IMMP2L: variants seen among roughly 807,000 people sequenced by gnomAD.
IMMP2L encodes inner mitochondrial membrane peptidase subunit 2, also known as mitochondrial inner membrane protease subunit 2.
A neutral mutation model predicts 19.3 loss-of-function variants in IMMP2L; 18 were observed. That is an observed-to-expected ratio of 0.93 (90% CI 0.64 to 1.38). IMMP2L has a LOEUF of 1.38. IMMP2L is among the 40% of genes most tolerant of loss of function. The pLI is 0.00. For synonymous variants in IMMP2L, 76 were observed against 73.0 expected, an observed-to-expected ratio of 1.04 and a Z score of -0.21; for missense variants, 233 against 218.2, an observed-to-expected ratio of 1.07 and a Z score of -0.43.
intron 3 of IMMP2L, among the ~76,000 whole-genome samples, chr7:111,368,419 A>G (rs1829984972): frequency 6.6e-6 from 1 of 151,998 alleles, no homozygotes; most frequent in African/African-American, 2.4e-5. Context: ...AGTCAGTCAG[A>G]CACATTCTCT....
At chr7:111,437,594 T>C (rs1214369576) in intron 3 of IMMP2L, among the ~76,000 whole-genome samples, 2 of 152,008 alleles carry the variant, frequency 1.3e-5, no homozygotes, top group East Asian at 1.9e-4. Flanking sequence ...AATTATACCA[T>C]TTATAAAAGA....
intron 3 of IMMP2L, among the ~76,000 whole-genome samples, chr7:111,270,151 T>C (rs1016315280): frequency 6.6e-6 from 1 of 151,754 alleles, no homozygotes; most frequent in African/African-American, 2.4e-5. Flanking sequence ...GCCTACAATG[T>C]AGCTGCCCTA....
At chr7:110,889,089 T>C (rs1403998154) in intron 4 of IMMP2L, among the ~76,000 whole-genome samples, 1 of 152,168 alleles carries the variant, frequency 6.6e-6, no homozygotes, top group Non-Finnish European at 1.5e-5. Context: ...TCTACCTCTA[T>C]TTGCCCATCT....
intron 5 of IMMP2L, chr7:110,724,082 C>T (rs1256806624): frequency 6.6e-6 from 1 of 152,122 alleles, no homozygotes; most frequent in Non-Finnish European, 1.5e-5. Flanking sequence ...ATTCTGCTTA[C>T]CAACAACCTC....
rs1406968442 is a variant in IMMP2L, at chr7:111,101,531, GT to G, written c.240-137967del. ...CTTTTGTCCACTGTCTACCATTTTT[GT>G]TGTAGATTTAGTAAAAAAAAAAATT... On this transcript the variant is annotated intron_variant, in intron 3 of 5. Transcript: ENST00000405709. Among the ~76,000 whole-genome samples the G allele has an allele frequency of 2.0e-5, 3 of 150,966 alleles. No homozygotes were observed. In the East Asian group the frequency reaches 5.8e-4, roughly 29 times the overall value.
chr7:110,824,240 C>G (rs1803270653), intron 5 of IMMP2L, among the ~76,000 whole-genome samples: 1 of 151,994 alleles, frequency 6.6e-6, no homozygotes, highest in Non-Finnish European at 1.5e-5. Context: ...CTGAATGTCT[C>G]CTTTCACCCT....
chr7:111,417,702 T>C (rs1348855709), intron 3 of IMMP2L, among the ~76,000 whole-genome samples: 1 of 151,844 alleles, frequency 6.6e-6, no homozygotes, highest in Non-Finnish European at 1.5e-5. Flanking sequence ...ATTCTTCCAA[T>C]AAGGAGACAT....
At chr7:111,147,031 T>A (rs1803551489) in intron 3 of IMMP2L, among the ~76,000 whole-genome samples, 1 of 152,276 alleles carries the variant, frequency 6.6e-6, no homozygotes, top group Non-Finnish European at 1.5e-5. Flanking sequence ...TTTTCTACTT[T>A]CACATTCACA....
At chr7:111,429,024 T>TA in intron 3 of IMMP2L, among the ~76,000 whole-genome samples, 1 of 152,062 alleles carries the variant, frequency 6.6e-6, no homozygotes, top group East Asian at 1.9e-4. Context: ...GATGGACAGA[T>TA]ACATAAGTAG....
chr7:111,196,339 C>T (rs970418463), intron 3 of IMMP2L, among the ~76,000 whole-genome samples: 2 of 152,074 alleles, frequency 1.3e-5, no homozygotes, highest in Non-Finnish European at 1.5e-5. Context: ...CAGATCGGGT[C>T]ATCATTTCCA....
At chr7:110,903,816 T>C (rs1286296589) in intron 4 of IMMP2L, among the ~76,000 whole-genome samples, 1 of 152,110 alleles carries the variant, frequency 6.6e-6, no homozygotes, top group African/African-American at 2.4e-5. Context: ...TTTTCTATAG[T>C]GGCTGTACTA....
chr7:111,030,882 GTGTATATATATATATATATATATA>G (rs1228467648), intron 3 of IMMP2L, among the ~76,000 whole-genome samples: 19 of 50,774 alleles, frequency 3.7e-4, no homozygotes, highest in African/African-American at 5.8e-4. Context: ...GTGTGTGTGT[GTGTATATATATATATATATATATA>G]TATATATATA....
intron 3 of IMMP2L, among the ~76,000 whole-genome samples, chr7:111,097,756 A>C (rs1359501808): frequency 6.6e-6 from 1 of 151,882 alleles, no homozygotes; most frequent in Non-Finnish European, 1.5e-5. Flanking sequence ...TCACTCAGAA[A>C]TACCAAACAC....
chr7:110,704,031 T>G (rs1354616752), intron 5 of IMMP2L, among the ~76,000 whole-genome samples: 2 of 151,974 alleles, frequency 1.3e-5, no homozygotes, highest in Non-Finnish European at 2.9e-5. Context: ...GTATTTTTAG[T>G]AGAGACAGGG....
At chr7:110,777,285 T>A (rs1799451544) in intron 5 of IMMP2L, among the ~76,000 whole-genome samples, 1 of 151,880 alleles carries the variant, frequency 6.6e-6, no homozygotes, top group Admixed American at 6.6e-5. Flanking sequence ...AGGCAATAAC[T>A]TCATAAATAT....
chr7:111,004,759 C>A (rs182275093), intron 3 of IMMP2L, among the ~76,000 whole-genome samples: 78 of 152,218 alleles, frequency 5.1e-4, no homozygotes, highest in Non-Finnish European at 8.5e-4. Context: ...GTGGCTGACC[C>A]TAACTGGGCA....
chr7:110,845,883 C>T (rs1805607151), intron 5 of IMMP2L, among the ~76,000 whole-genome samples: 1 of 152,086 alleles, frequency 6.6e-6, no homozygotes, highest in Non-Finnish European at 1.5e-5. Flanking sequence ...ATTTCCTTGC[C>T]CTTTTCCCAC....
At chr7:110,776,210 G>A (rs900375198) in intron 5 of IMMP2L, among the ~76,000 whole-genome samples, 1 of 151,970 alleles carries the variant, frequency 6.6e-6, no homozygotes, top group Non-Finnish European at 1.5e-5. Flanking sequence ...ATAATCAAGA[G>A]TCCACACTAC....
chr7:111,178,685 T>C (rs1472206657), intron 3 of IMMP2L, among the ~76,000 whole-genome samples: 1 of 151,934 alleles, frequency 6.6e-6, no homozygotes, highest in Non-Finnish European at 1.5e-5. Flanking sequence ...AAGAAACCAC[T>C]TTCTTTGCTT....
Sources: allele counts gnomAD v4.1 joint callset (sites outside exome capture counted in the v4.1 genomes callset), GRCh38; gene constraint gnomAD v4.1.1; transcripts MANE v1.5; gene names NCBI Gene and HGNC (gene_info 2026-07-23, HGNC 2026-07-21).